Variants in PALM2AKAP2 observed in about 807,000 individuals in gnomAD.
PALM2AKAP2 encodes PALM2-AKAP2 fusion protein.
In PALM2AKAP2, 37 loss-of-function variants were observed where a neutral mutation model predicts 71.5. The ratio of observed to expected loss-of-function variants is 0.52; its 90% confidence interval spans 0.40 to 0.68. The LOEUF is 0.68. Ranked by LOEUF, PALM2AKAP2 falls within the 30% of genes least tolerant of loss-of-function variation. PALM2AKAP2 has a pLI of 0.00. For missense variants in PALM2AKAP2, 1,224 were observed against 1,191.8 expected (o/e 1.03, Z -0.40); for synonymous variants, 468 against 478.8 (o/e 0.98, Z 0.29).
intron 1 of PALM2AKAP2, among the ~76,000 whole-genome samples, chr9:109,698,423 G>T (rs924098920): frequency 2.0e-5 from 3 of 151,998 alleles, no homozygotes; most frequent in African/African-American, 7.2e-5. Context: ...GATTATAGGC[G>T]CATGCCACCA....
chr9:109,691,174 T>TACACAC (rs56966509), intron 1 of PALM2AKAP2, among the ~76,000 whole-genome samples: 16,220 of 147,450 alleles, frequency 0.11, 913 homozygotes, highest in African/African-American at 0.13. Context: ...CTTTGAATTT[T>TACACAC]ACACACACAC....
chr9:109,943,526 C>T (rs547506284), intron 6 of PALM2AKAP2: 4 of 1,455,456 alleles, frequency 2.7e-6, no homozygotes, highest in Middle Eastern at 2.0e-4. Context: ...TGGAAGCAAA[C>T]ACCTGCCTTG....
At chr9:109,760,105 A>T (rs1829028995) in intron 1 of PALM2AKAP2, among the ~76,000 whole-genome samples, 1 of 152,114 alleles carries the variant, frequency 6.6e-6, no homozygotes, top group South Asian at 2.1e-4. Context: ...TTTTGCCCCT[A>T]TAGTTTTGCC....
At chr9:110,104,177 T>C (rs957651662) in intron 1 of PALM2AKAP2, among the ~76,000 whole-genome samples, 3 of 90,406 alleles carry the variant, frequency 3.3e-5, no homozygotes, top group African/African-American at 1.4e-4. Context: ...TTTCTGCTTT[T>C]TTTTGGGGGG....
rs191013844 is a variant in PALM2AKAP2, at chr9:110,083,773, G to A, written c.156+34918G>A. Among the ~76,000 whole-genome samples the A allele has an allele frequency of 2.3e-3, 344 of 152,308 alleles. 3 individuals are homozygous for A. The highest frequency in any genetic ancestry group is 7.7e-3 in the African/African-American group (322 of 41,568). ...GGCAGCTAGAAGACAATGGGAACAA[G>A]GCCTTTGATAGCATGGAAGAGCATG... On this transcript the variant is annotated intron_variant, in intron 1 of 3. Transcript: ENST00000374525.
At chr9:109,658,564 A>G (rs2132239541) in intron 1 of PALM2AKAP2, among the ~76,000 whole-genome samples, 1 of 152,350 alleles carries the variant, frequency 6.6e-6, no homozygotes, top group Non-Finnish European at 1.5e-5. Flanking sequence ...GTTCACTTAC[A>G]TACTGCTGAT....
chr9:109,813,432 T>A (rs1395817578), intron 1 of PALM2AKAP2, among the ~76,000 whole-genome samples: 2 of 152,256 alleles, frequency 1.3e-5, no homozygotes, highest in African/African-American at 4.8e-5. Flanking sequence ...CTGGTTGCGT[T>A]GTTCATCTCT....
intron 1 of PALM2AKAP2, among the ~76,000 whole-genome samples, chr9:109,828,579 T>A (rs914634708): frequency 3.9e-5 from 6 of 152,380 alleles, no homozygotes; most frequent in African/African-American, 1.4e-4. Context: ...TTAAGTGTGC[T>A]CTGTAATATA....
At chr9:110,150,772 G>A (rs1021294213) in intron 2 of PALM2AKAP2, among the ~76,000 whole-genome samples, 1 of 152,162 alleles carries the variant, frequency 6.6e-6, no homozygotes, top group African/African-American at 2.4e-5. Context: ...GTTAAGAAGT[G>A]GTGAACTAGG....
chr9:110,138,296 G>T, exon 2 of PALM2AKAP2: 1 of 1,614,208 alleles, frequency 6.2e-7, no homozygotes. Context: ...GTACTCGGAG[G>T]CAGCTGAGCT....
chr9:109,964,941 G>A (rs1460634842), intron 6 of PALM2AKAP2, among the ~76,000 whole-genome samples: 1 of 152,082 alleles, frequency 6.6e-6, no homozygotes, highest in Non-Finnish European at 1.5e-5. Context: ...ACCTTTGCTG[G>A]ACACAAGGAT....
At chr9:110,035,842 A>AATATATATG (rs1833397540) in intron 7 of PALM2AKAP2, among the ~76,000 whole-genome samples, 1 of 134,452 alleles carries the variant, frequency 7.4e-6, no homozygotes, top group Admixed American at 7.5e-5. Context: ...TGTTATATAT[A>AATATATATG]ATATATATGA....
chr9:109,892,444 A>C (rs1329864916), intron 3 of PALM2AKAP2, among the ~76,000 whole-genome samples: 2 of 152,170 alleles, frequency 1.3e-5, no homozygotes, highest in African/African-American at 2.4e-5. Flanking sequence ...ATAAGGTCAT[A>C]TTCATAGGTT....
chr9:110,079,130 A>C (rs1291139269), intron 1 of PALM2AKAP2, among the ~76,000 whole-genome samples: 1 of 152,178 alleles, frequency 6.6e-6, no homozygotes, highest in African/African-American at 2.4e-5. Flanking sequence ...GTACCTCAAA[A>C]ATCTCCTGGT....
At chr9:109,762,220 A>G (rs920220544) in intron 1 of PALM2AKAP2, among the ~76,000 whole-genome samples, 2 of 151,932 alleles carry the variant, frequency 1.3e-5, no homozygotes, top group African/African-American at 4.8e-5. Context: ...AGGTCTTCAA[A>G]GTGTTTTAGG....
At chr9:109,918,989 A>G (rs767425406) in intron 3 of PALM2AKAP2, among the ~76,000 whole-genome samples, 12 of 152,184 alleles carry the variant, frequency 7.9e-5, no homozygotes, top group Non-Finnish European at 1.3e-4. Context: ...CTTGAAACCC[A>G]TAGGGCCAGG....
At chr9:109,676,829 A>C (rs995466698) in intron 1 of PALM2AKAP2, among the ~76,000 whole-genome samples, 3 of 152,360 alleles carry the variant, frequency 2.0e-5, no homozygotes, top group African/African-American at 7.2e-5. Flanking sequence ...GAAATGCTTC[A>C]GATTAAGTAG....
chr9:109,728,764 C>T (rs1003592193), intron 1 of PALM2AKAP2, among the ~76,000 whole-genome samples: 3 of 152,228 alleles, frequency 2.0e-5, no homozygotes, highest in African/African-American at 7.2e-5. Flanking sequence ...TAAAACCACA[C>T]CACCCCCATT....
chr9:110,020,470 G>T (rs1833054680), intron 7 of PALM2AKAP2, among the ~76,000 whole-genome samples: 1 of 152,022 alleles, frequency 6.6e-6, no homozygotes, highest in African/African-American at 2.4e-5. Context: ...ATCACCTGAG[G>T]TCAGGAGTTC....
Sources: allele counts gnomAD v4.1 joint callset (sites outside exome capture counted in the v4.1 genomes callset), GRCh38; gene constraint gnomAD v4.1.1; transcripts MANE v1.5; gene names NCBI Gene and HGNC (gene_info 2026-07-23, HGNC 2026-07-21).